The following PBX3 variants were observed in gnomAD, a reference collection of about 807,000 sequenced individuals.
The protein encoded by PBX3 is pre-B-cell leukemia transcription factor 3.
PBX3 carries 14 observed loss-of-function variants against 48.5 expected under a neutral mutation model. The ratio of observed to expected loss-of-function variants is 0.29; its 90% confidence interval spans 0.19 to 0.45. The LOEUF is 0.45. Among genes scored for constraint, PBX3 ranks in the 20% least tolerant of loss-of-function variants. The pLI, the probability that PBX3 is intolerant of heterozygous loss-of-function variation, is 1.00. For missense variants in PBX3, 386 were observed against 546.7 expected, an observed-to-expected ratio of 0.71 and a Z score of 2.93; for synonymous variants, 210 against 200.3, an observed-to-expected ratio of 1.05 and a Z score of -0.41.
chr9:125,895,165 A>C (rs1840740796), intron 2 of PBX3, among the ~76,000 whole-genome samples: 1 of 152,098 alleles, frequency 6.6e-6, no homozygotes, highest in Non-Finnish European at 1.5e-5. Flanking sequence ...TTGGCACAGC[A>C]TTGTGACCTT....
chr9:125,787,260 A>G (rs1330896492), intron 2 of PBX3, among the ~76,000 whole-genome samples: 2 of 152,064 alleles, frequency 1.3e-5, no homozygotes, highest in African/African-American at 2.4e-5. Flanking sequence ...AGGCTGATGT[A>G]GAGAAGTTTA....
intron 5 of PBX3, among the ~76,000 whole-genome samples, chr9:125,952,324 G>A (rs1451309931): frequency 6.6e-6 from 1 of 152,200 alleles, no homozygotes; most frequent in Non-Finnish European, 1.5e-5. Flanking sequence ...TTTATGCACA[G>A]AAGCAACACC....
At chr9:125,824,299 C>G (rs1838744526) in intron 2 of PBX3, among the ~76,000 whole-genome samples, 2 of 152,148 alleles carry the variant, frequency 1.3e-5, no homozygotes, top group South Asian at 4.1e-4. Context: ...GTTTGTGAGT[C>G]TCTGTACCTG....
intron 2 of PBX3, among the ~76,000 whole-genome samples, chr9:125,788,893 C>T (rs1837527761): frequency 6.6e-6 from 1 of 151,678 alleles, no homozygotes; most frequent in African/African-American, 2.4e-5. Context: ...AAAAGGAAAG[C>T]TTGCTGTGTA....
At chr9:125,872,089 C>T (rs1439445845) in intron 2 of PBX3, among the ~76,000 whole-genome samples, 1 of 151,790 alleles carries the variant, frequency 6.6e-6, no homozygotes, top group Non-Finnish European at 1.5e-5. Flanking sequence ...AGCTTCCAGA[C>T]TAGTAAAGTA....
chr9:125,840,339 G>A (rs1246906553), intron 2 of PBX3, among the ~76,000 whole-genome samples: 1 of 151,826 alleles, frequency 6.6e-6, no homozygotes, highest in East Asian at 1.9e-4. Flanking sequence ...TGTTCTTCTG[G>A]TCAGATGTAA....
intron 2 of PBX3, among the ~76,000 whole-genome samples, chr9:125,788,601 G>A (rs996422211): frequency 8.6e-5 from 13 of 151,978 alleles, no homozygotes; most frequent in Admixed American, 7.2e-4. Flanking sequence ...GGCCGGGCAT[G>A]GTGGCTTACG....
intron 2 of PBX3, among the ~76,000 whole-genome samples, chr9:125,829,058 A>C (rs1838885397): frequency 6.6e-6 from 1 of 152,164 alleles, no homozygotes; most frequent in African/African-American, 2.4e-5. Context: ...AGGTTGTTTG[A>C]AAAAACTCCC....
chr9:125,762,522 TC>T (rs1836697513), intron 2 of PBX3, among the ~76,000 whole-genome samples: 1 of 152,132 alleles, frequency 6.6e-6, no homozygotes, highest in Admixed American at 6.5e-5. Flanking sequence ...AGAAATTAAG[TC>T]CCCCTGCCAT....
At chr9:125,747,904 C>G (rs988588419) in intron 1 of PBX3, among the ~76,000 whole-genome samples, 1 of 151,872 alleles carries the variant, frequency 6.6e-6, no homozygotes, top group East Asian at 1.9e-4. Flanking sequence ...GTCCTTTCCC[C>G]CGTCCTGCCC....
intron 2 of PBX3, among the ~76,000 whole-genome samples, chr9:125,779,896 C>T (rs1368388123): frequency 1.5e-5 from 2 of 129,564 alleles, no homozygotes; most frequent in African/African-American, 5.9e-5. Flanking sequence ...GGGCTGACCC[C>T]CCCACCTCCC....
chr9:125,928,555 G>T (rs948674410), intron 3 of PBX3, among the ~76,000 whole-genome samples: 1 of 150,966 alleles, frequency 6.6e-6, no homozygotes, highest in Non-Finnish European at 1.5e-5. Context: ...AAGCTCCATC[G>T]CCTGGGTTCA....
At chr9:125,826,737 A>G (rs1838818796) in intron 2 of PBX3, among the ~76,000 whole-genome samples, 2 of 152,120 alleles carry the variant, frequency 1.3e-5, no homozygotes, top group African/African-American at 4.8e-5. Context: ...TTATGGACAT[A>G]TTTTTTAATT....
In PBX3 at chr9:125,882,226, A is replaced by AT. The variant is rs545364614; in HGVS notation, c.275-33448dup. ...GGGGACAGGGAGACCCTGTCTCACA[A>AT]TTTTTTTTTTTTACTAAATTCCAGA... On this transcript the variant is annotated intron_variant, in intron 2 of 8. Transcript: ENST00000373489. Among the ~76,000 whole-genome samples, 517 of 147,064 alleles carry AT rather than the reference A, an allele frequency of 3.5e-3. 2 individuals carry two copies. The highest frequency in any genetic ancestry group is 5.2e-3 in the Non-Finnish European group (344 of 66,158).
intron 2 of PBX3, among the ~76,000 whole-genome samples, chr9:125,901,491 A>G (rs1055941868): frequency 6.6e-6 from 1 of 151,746 alleles, no homozygotes; most frequent in African/African-American, 2.4e-5. Flanking sequence ...GTTATGATCA[A>G]TAGTTTCTGC....
At chr9:125,807,355 A>G (rs1241718147) in intron 2 of PBX3, among the ~76,000 whole-genome samples, 1 of 152,112 alleles carries the variant, frequency 6.6e-6, no homozygotes, top group Non-Finnish European at 1.5e-5. Flanking sequence ...AAAAGAAAAT[A>G]TTAACAGAAG....
intron 2 of PBX3, among the ~76,000 whole-genome samples, chr9:125,913,970 A>G (rs1289363270): frequency 5.3e-5 from 8 of 152,182 alleles, no homozygotes; most frequent in Non-Finnish European, 7.4e-5. Context: ...AAAACTTGCT[A>G]TGTGAACTAC....
intron 2 of PBX3, among the ~76,000 whole-genome samples, chr9:125,847,986 T>G (rs1487858963): frequency 6.6e-6 from 1 of 151,986 alleles, no homozygotes; most frequent in Non-Finnish European, 1.5e-5. Context: ...GTAAATATGG[T>G]GAATTGAGTA....
At chr9:125,817,940 C>T (rs1564671897) in intron 2 of PBX3, among the ~76,000 whole-genome samples, 3 of 152,122 alleles carry the variant, frequency 2.0e-5, no homozygotes, top group South Asian at 2.1e-4. Context: ...CGGTGGCTCA[C>T]GCCTGTAATC....
Sources: allele counts gnomAD v4.1 joint callset (sites outside exome capture counted in the v4.1 genomes callset), GRCh38; gene constraint gnomAD v4.1.1; transcripts MANE v1.5; gene names NCBI Gene and HGNC (gene_info 2026-07-23, HGNC 2026-07-21).